Variants in DUSP16 observed in about 807,000 individuals in gnomAD.
DUSP16 encodes the protein dual specificity phosphatase 16.
A neutral mutation model predicts 58.3 loss-of-function variants in DUSP16; 21 were observed. The observed-to-expected ratio is 0.36, with a 90% CI of 0.26 to 0.52. The LOEUF is 0.52. Ranked by LOEUF, DUSP16 falls within the 20% of genes least tolerant of loss-of-function variation. The pLI is 0.94. For missense variants in DUSP16, 726 were observed against 819.0 expected (o/e 0.89, Z 1.39); for synonymous variants, 320 against 323.8 (o/e 0.99, Z 0.12).
chr12:12,512,365 A>G (rs910711178), intron 3 of DUSP16, among the ~76,000 whole-genome samples: 10 of 152,098 alleles, frequency 6.6e-5, no homozygotes, highest in African/African-American at 2.4e-4. Flanking sequence ...TCTTTCAGCA[A>G]ATTTGAAGTA....
chr12:12,485,758 C>T (rs1242867314), intron 5 of DUSP16, among the ~76,000 whole-genome samples: 1 of 149,398 alleles, frequency 6.7e-6, no homozygotes, highest in Non-Finnish European at 1.5e-5. Flanking sequence ...GGGATTAAGG[C>T]ATAAGCCCCT....
intron 1 of DUSP16, among the ~76,000 whole-genome samples, chr12:12,549,044 A>C (rs117853181): frequency 0.016 from 2,399 of 152,326 alleles, 29 homozygotes; most frequent in Non-Finnish European, 0.025. Context: ...ACACATATGT[A>C]TATCTTTCTC....
At chr12:12,544,786 T>C (rs964611125) in intron 1 of DUSP16, among the ~76,000 whole-genome samples, 3 of 152,224 alleles carry the variant, frequency 2.0e-5, no homozygotes, top group Non-Finnish European at 4.4e-5. Context: ...AATTAGCCTA[T>C]AATTTATTTT....
intron 4 of DUSP16, among the ~76,000 whole-genome samples, chr12:12,497,218 C>A (rs555064939): frequency 6.6e-6 from 1 of 152,102 alleles, no homozygotes; most frequent in African/African-American, 2.4e-5. Flanking sequence ...CATTTCTTTA[C>A]TTTTAAAGGC....
chr12:12,541,821 C>A (rs938944011), intron 1 of DUSP16, among the ~76,000 whole-genome samples: 4 of 97,868 alleles, frequency 4.1e-5, no homozygotes, highest in Admixed American at 2.9e-4. Flanking sequence ...TACCCCAAAT[C>A]TAAAATAATT....
intron 1 of DUSP16, among the ~76,000 whole-genome samples, chr12:12,532,960 AAAAC>A (rs1217437548): frequency 4.6e-5 from 7 of 151,898 alleles, no homozygotes; most frequent in African/African-American, 1.7e-4. Context: ...AAAAAAAAAA[AAAAC>A]AAAGAAGATG....
At chr12:12,550,296 T>C (rs4633541) in intron 1 of DUSP16, among the ~76,000 whole-genome samples, 9,727 of 150,768 alleles carry the variant, frequency 0.065, 473 homozygotes, top group East Asian at 0.21. Flanking sequence ...AAAATGTGTA[T>C]CAGACTGCTC....
At chr12:12,509,764 T>C (rs1391290909) in intron 3 of DUSP16, among the ~76,000 whole-genome samples, 1 of 152,170 alleles carries the variant, frequency 6.6e-6, no homozygotes, top group Non-Finnish European at 1.5e-5. Flanking sequence ...CTTGTTACAA[T>C]GAATAGCTGT....
At position 12,532,948 on chromosome 12, in the gene DUSP16, C is replaced by CAA. The variant is rs11450029; in HGVS notation, c.-365-11487_-365-11486dup. Among the ~76,000 whole-genome samples, 518 of 113,178 alleles carry CAA rather than the reference C, an allele frequency of 4.6e-3. 11 individuals are homozygous for CAA. In the East Asian group the frequency reaches 0.054, roughly 12 times the overall value. 74.2% of individuals were successfully genotyped at this position (113,178 alleles called of 152,430 possible). ...GGGGGACGAGAGCGAAACTCTGTCTCAAAAAAAAAAAAAAACAAAGAAGAT... is the reference window on the plus strand; with the variant it reads ...GGGGGACGAGAGCGAAACTCTGTCTCAAAAAAAAAAAAAAAAACAAAGAAGAT... On this transcript the variant is annotated intron_variant, in intron 1 of 6. Transcript: ENST00000298573.
intron 1 of DUSP16, among the ~76,000 whole-genome samples, chr12:12,533,638 A>G (rs893468177): frequency 2.6e-5 from 4 of 152,228 alleles, no homozygotes; most frequent in Admixed American, 2.0e-4. Flanking sequence ...CCAGTCACCT[A>G]CAACCTAGGC....
intron 1 of DUSP16, among the ~76,000 whole-genome samples, chr12:12,536,599 GC>G (rs1240018928): frequency 1.3e-5 from 2 of 151,858 alleles, no homozygotes; most frequent in East Asian, 3.9e-4. Context: ...ACAAAAATTA[GC>G]CGGACATGGT....
At chr12:12,498,424 T>G (rs1943863145) in intron 4 of DUSP16, among the ~76,000 whole-genome samples, 1 of 151,724 alleles carries the variant, frequency 6.6e-6, no homozygotes, top group South Asian at 2.1e-4. Flanking sequence ...ATTTATTTAT[T>G]TATTTTTTGA....
chr12:12,536,069 G>C (rs116784154), intron 1 of DUSP16, among the ~76,000 whole-genome samples: 26 of 152,330 alleles, frequency 1.7e-4, no homozygotes, highest in African/African-American at 4.6e-4. Flanking sequence ...ATGGACTGAG[G>C]TGAGAATAGA....
chr12:12,483,352 TTATC>T (rs1943612044), intron 5 of DUSP16, among the ~76,000 whole-genome samples: 1 of 152,314 alleles, frequency 6.6e-6, no homozygotes, highest in African/African-American at 2.4e-5. Context: ...TCAATGGACA[TTATC>T]TATTTTACTT....
In DUSP16 at chr12:12,505,711, G is replaced by A. The variant is rs568438148; in HGVS notation, c.368-5029C>T. Among the ~76,000 whole-genome samples the A allele has an allele frequency of 2.6e-5, 4 of 152,298 alleles. No homozygotes were observed. The South Asian group carries it at 8.3e-4, about 32-fold the overall frequency. ...TTCAGTGGACCTCAAAAGTAAGTGT[G>A]GCTCTAGAAAGTTCTAAGACAGAGA... On this transcript the variant is annotated intron_variant, in intron 3 of 6. Coordinates refer to ENST00000298573, the MANE Select transcript of DUSP16 (RefSeq NM_030640.3).
At chr12:12,493,278 C>G (rs1479015135) in intron 4 of DUSP16, among the ~76,000 whole-genome samples, 1 of 152,072 alleles carries the variant, frequency 6.6e-6, no homozygotes, top group Non-Finnish European at 1.5e-5. Flanking sequence ...CTCTCTTTTT[C>G]ACACACCCCT....
At chr12:12,552,134 A>G (rs1341626510) in intron 1 of DUSP16, among the ~76,000 whole-genome samples, 3 of 152,150 alleles carry the variant, frequency 2.0e-5, no homozygotes, top group African/African-American at 7.2e-5. Flanking sequence ...ATGGCTTCAG[A>G]TTCAGCAGTG....
At position 12,515,330 on chromosome 12, in the gene DUSP16, C is replaced by CT. The variant is rs34048427; in HGVS notation, c.367+4531dup. On this transcript the variant is annotated intron_variant, in intron 3 of 6. Transcript: ENST00000298573. ...CCCATTTTTTTACTCTATTAATATG[C>CT]TTTTTTTTTTTTTTGAGATGGAGTT... 9.0e-3 allele frequency among the ~76,000 whole-genome samples: 1,242 copies of CT among 138,758 alleles called. 6 individuals are homozygous for CT. Among genetic ancestry groups the CT allele is most frequent in the Non-Finnish European group, 0.012 (772 of 64,044 alleles). The allele number at this position is 138,758 out of a possible 152,430, so 91.0% of individuals were successfully genotyped here. A position where few individuals can be genotyped will look rare whatever the true frequency, so the allele number is the denominator to read the frequency against.
At chr12:12,548,941 G>A (rs1311743808) in intron 1 of DUSP16, among the ~76,000 whole-genome samples, 1 of 152,092 alleles carries the variant, frequency 6.6e-6, no homozygotes, top group Non-Finnish European at 1.5e-5. Context: ...CCTATGAAAA[G>A]CAGAGACTAG....
Sources: allele counts gnomAD v4.1 joint callset (sites outside exome capture counted in the v4.1 genomes callset), GRCh38; gene constraint gnomAD v4.1.1; transcripts MANE v1.5; gene names NCBI Gene and HGNC (gene_info 2026-07-23, HGNC 2026-07-21).